ANAPC1: variants seen among roughly 807,000 people sequenced by gnomAD.
ANAPC1 encodes anaphase-promoting complex subunit 1.
Under a neutral mutation model 208.0 loss-of-function variants are expected in ANAPC1, and 36 were observed. The observed-to-expected ratio is 0.17, with a 90% CI of 0.13 to 0.23. ANAPC1 has a LOEUF of 0.23. ANAPC1 is among the 10% of genes least tolerant of loss of function. The probability of loss-of-function intolerance (pLI) is 1.00; values close to 1 mark genes in which losing one functional copy is unlikely to be tolerated. For synonymous variants in ANAPC1, 378 were observed against 695.2 expected (o/e 0.54, Z 7.18); for missense variants, 942 against 2,011.6 (o/e 0.47, Z 10.17).
At chr2:111,812,957 C>T (rs1265475170) in intron 28 of ANAPC1, among the ~76,000 whole-genome samples, 2 of 110,234 alleles carry the variant, frequency 1.8e-5, no homozygotes, top group Non-Finnish European at 3.9e-5. Flanking sequence ...ACGGCCCTGT[C>T]CAATCTGTAA....
chr2:111,830,146 T>G (rs1269870603), intron 21 of ANAPC1, among the ~76,000 whole-genome samples: 1 of 152,160 alleles, frequency 6.6e-6, no homozygotes, highest in Non-Finnish European at 1.5e-5. Context: ...TAATCAATTT[T>G]AAAGACTTAC....
Position 111,825,888 on chromosome 2 carries a change from C to G in ANAPC1, c.2626-33G>C, listed in dbSNP as rs370342129. 145 of 1,596,318 alleles carry G rather than the reference C, an allele frequency of 9.1e-5. No individual in the cohort carries two copies. The African/African-American group carries it at 1.8e-3, about 20-fold the overall frequency. ...GGAAGAAAATTAACATTATTTTTCT[C>G]TTTTCAGAGACAGCATCTCACTTTG... On this transcript the variant is annotated intron_variant, in intron 21 of 47. Transcript: ENST00000341068.
Position 111,847,825 on chromosome 2 carries a change from G to A in ANAPC1, c.1691C>T (p.Ser564Leu). ...ATTATAGAGAGAATCATGAAGTTTT[G>A]AAGAATCCCTCAGTTCTGGAACTGG... is the stretch of plus-strand genomic sequence containing the variant. ...LSPVPELRDSSKLHDSLYNED... is the reference protein window; with the variant it reads ...LSPVPELRDSLKLHDSLYNED... Residue 564 changes from serine to leucine, a missense_variant, in exon 15 of 48, where the codon TCA becomes TTA. Physicochemically the swap from Ser to Leu is moderately radical, Grantham distance 145. Coordinates refer to ENST00000341068, the MANE Select transcript of ANAPC1 (RefSeq NM_022662.4). The A allele has an allele frequency of 6.3e-7, 1 of 1,598,696 alleles. No individual in the cohort carries two copies. The highest frequency in any genetic ancestry group is 8.5e-7 in the Non-Finnish European group (1 of 1,174,782).
At chr2:111,834,007 T>G (rs532868985) in intron 19 of ANAPC1, among the ~76,000 whole-genome samples, 2 of 152,204 alleles carry the variant, frequency 1.3e-5, no homozygotes, top group African/African-American at 4.8e-5. Context: ...ATACACCAGG[T>G]GCTTCAAAGC....
intron 13 of ANAPC1, among the ~76,000 whole-genome samples, 195 bp from the exon 14 acceptor site, chr2:111,851,105 A>T (rs1344728526): frequency 6.6e-6 from 1 of 151,328 alleles, no homozygotes; most frequent in African/African-American, 2.4e-5. Flanking sequence ...ATGTTGGTAT[A>T]ATTTTTTTTT....
chr2:111,869,464 C>T (rs1682619256), intron 6 of ANAPC1, among the ~76,000 whole-genome samples: 2 of 152,006 alleles, frequency 1.3e-5, no homozygotes, highest in Admixed American at 1.3e-4. Flanking sequence ...AGGCTGGTCT[C>T]GAACTCCTGA....
intron 7 of ANAPC1, 110 bp downstream of exon 7, chr2:111,867,913 A>C: frequency 1.7e-6 from 1 of 595,660 alleles, no homozygotes; most frequent in Non-Finnish European, 2.8e-6. Context: ...TTTTTGTAAA[A>C]TGTTTACATT....
intron 38 of ANAPC1, among the ~76,000 whole-genome samples, chr2:111,791,089 A>G (rs2685919): frequency 1.3e-5 from 2 of 148,756 alleles, no homozygotes; most frequent in Non-Finnish European, 3.0e-5. Context: ...AAAATTTTAA[A>G]ATAGATAAAT....
At chr2:111,881,362 G>A (rs1318935793) in intron 1 of ANAPC1, among the ~76,000 whole-genome samples, 1 of 152,064 alleles carries the variant, frequency 6.6e-6, no homozygotes, top group African/African-American at 2.4e-5. Flanking sequence ...ATCTACAAAA[G>A]ACATAGGTTT....
chr2:111,843,820 C>CTTTTTTTTTTTTTTTTTTTT (rs369036574), intron 16 of ANAPC1, among the ~76,000 whole-genome samples: 1 of 86,828 alleles, frequency 1.2e-5, no homozygotes, highest in Non-Finnish European at 2.0e-5. Flanking sequence ...CTGAAGACAG[C>CTTTTTTTTTTTTTTTTTTTT]TTTTTTTTTT....
intron 29 of ANAPC1, among the ~76,000 whole-genome samples, chr2:111,808,561 A>G (rs963306736): frequency 2.0e-5 from 3 of 151,936 alleles, no homozygotes; most frequent in Non-Finnish European, 2.9e-5. Context: ...AAACACTGTG[A>G]TGTGTTTAGT....
At chr2:111,802,907 G>A (rs1280977899) in intron 32 of ANAPC1, 8 of 238,100 alleles carry the variant, frequency 3.4e-5, no homozygotes, top group Non-Finnish European at 5.5e-5. Context: ...ATAGACTAAA[G>A]ACATGGCATA....
At chr2:111,810,191 C>T (rs993459713) in intron 28 of ANAPC1, among the ~76,000 whole-genome samples, 1 of 151,666 alleles carries the variant, frequency 6.6e-6, no homozygotes, top group African/African-American at 2.4e-5. Context: ...TGAAAGAAGC[C>T]CATCCTAAAA....
chr2:111,826,685 G>A (rs1485329867), intron 21 of ANAPC1, among the ~76,000 whole-genome samples: 5 of 141,352 alleles, frequency 3.5e-5, no homozygotes, highest in Non-Finnish European at 7.6e-5. Context: ...TTTTTGAGAC[G>A]GAGTCTCACT....
Position 111,799,801 on chromosome 2 carries a change from TA to T in ANAPC1, c.4296+995del, listed in dbSNP as rs972529395. 7.0e-5 allele frequency among the ~76,000 whole-genome samples: 6 copies of T among 86,324 alleles called. No individual in the cohort carries two copies. In the Admixed American group the frequency reaches 7.9e-4, roughly 11 times the overall value. 56.6% of individuals were successfully genotyped at this position (86,324 alleles called of 152,430 possible). On this transcript the variant is annotated intron_variant, in intron 34 of 47. Coordinates refer to ENST00000341068, the MANE Select transcript of ANAPC1 (RefSeq NM_022662.4). ...TATGCCATATGTGGCTTCATTAATA[TA>T]AAGTTCTACATCTGGAAATTAACAT...
At chr2:111,857,837 G>GTA (rs1681818174) in intron 11 of ANAPC1, among the ~76,000 whole-genome samples, 1 of 152,110 alleles carries the variant, frequency 6.6e-6, no homozygotes, top group Non-Finnish European at 1.5e-5. Context: ...AAACATGGTG[G>GTA]TAGATCTATA....
At chr2:111,808,181 G>C (rs1442802760) in intron 29 of ANAPC1, among the ~76,000 whole-genome samples, 12 of 151,392 alleles carry the variant, frequency 7.9e-5, no homozygotes, top group Admixed American at 7.9e-4. Flanking sequence ...CCAATGCTAT[G>C]CCTGTATGTA....
intron 34 of ANAPC1, among the ~76,000 whole-genome samples, chr2:111,797,001 G>A (rs868019623): frequency 1.1e-4 from 16 of 151,320 alleles, no homozygotes; most frequent in Middle Eastern, 3.4e-3. Flanking sequence ...AACAAAAAAC[G>A]ACCACTGTTT....
chr2:111,784,317 G>A lies in ANAPC1; in HGVS notation c.4995+6C>T. 1.2e-6 allele frequency: 2 copies of A among 1,614,022 alleles called. No homozygotes were observed. The highest frequency in any genetic ancestry group is 1.3e-5 in the African/African-American group (1 of 75,056). On this transcript the variant is annotated splice_donor_region_variant and intron_variant, in intron 41 of 47. Coordinates refer to ENST00000341068, the MANE Select transcript of ANAPC1 (RefSeq NM_022662.4). ...TGGACCCAACTCCCGACCACACCCA[G>A]CTTACCTGCTTTAAAAGATGGAGTT... is the stretch of plus-strand genomic sequence containing the variant.
Sources: allele counts gnomAD v4.1 joint callset (sites outside exome capture counted in the v4.1 genomes callset), GRCh38; gene constraint gnomAD v4.1.1; transcripts MANE v1.5; gene names NCBI Gene and HGNC (gene_info 2026-07-23, HGNC 2026-07-21).